The following CD200R1L variants were observed in gnomAD, a reference collection of about 807,000 sequenced individuals.
CD200R1L encodes the protein cell surface glycoprotein CD200 receptor 2.
In CD200R1L, 14 loss-of-function variants were observed where a neutral mutation model predicts 24.8. The observed-to-expected ratio is 0.56, with a 90% CI of 0.37 to 0.88. The LOEUF (loss-of-function observed/expected upper bound fraction) is 0.88, where lower values mean the gene tolerates loss of function less well. CD200R1L is among the 40% of genes least tolerant of loss of function. The pLI is 0.00. For synonymous variants in CD200R1L, 111 were observed against 109.2 expected (o/e 1.02, Z -0.11); for missense variants, 299 against 297.8 (o/e 1.00, Z -0.03).
At chr3:112,826,927 C>T (rs1938668259) in intron 6 of CD200R1L, 66 bp downstream of exon 6, 7 of 1,497,026 alleles carry the variant, frequency 4.7e-6, no homozygotes, top group Admixed American at 2.3e-5. Context: ...TTTGGTTATT[C>T]GTTATTTTCT....
chr3:112,834,077 G>T (rs1349455525), intron 3 of CD200R1L, among the ~76,000 whole-genome samples: 1 of 152,188 alleles, frequency 6.6e-6, no homozygotes, highest in South Asian at 2.1e-4. Context: ...CACTGGCACA[G>T]CCTCTGGAAG....
chr3:112,827,054 A>C lies in CD200R1L; in HGVS notation c.555T>G (p.Thr185=). The part of the protein sequence containing the change: ...STCPWEGHKS[T]VTCHVSHLTG... ...TCAAATGGGAGACATGGCAGGTCACAGTAGACTTGTGGCCCTCCCAGGGGC... is the reference window on the plus strand; with the variant it reads ...TCAAATGGGAGACATGGCAGGTCACCGTAGACTTGTGGCCCTCCCAGGGGC... Residue 185 remains threonine, a synonymous_variant, in exon 6 of 8, where the codon ACT becomes ACG. Coordinates refer to ENST00000488794, the MANE Select transcript of CD200R1L (RefSeq NM_001199215.3). The C allele has an allele frequency of 6.2e-7, 1 of 1,603,376 alleles. No individual in the cohort carries two copies. The highest frequency in any genetic ancestry group is 8.5e-7 in the Non-Finnish European group (1 of 1,173,886).
intron 7 of CD200R1L, among the ~76,000 whole-genome samples, chr3:112,816,859 G>A (rs1303082057): frequency 6.6e-6 from 1 of 152,144 alleles, no homozygotes; most frequent in Non-Finnish European, 1.5e-5. Context: ...CATGAGTTCT[G>A]ATGGTTTTAT....
chr3:112,820,014 A>G, intron 6 of CD200R1L, 119 bp from the exon 7 acceptor site: 1 of 872,082 alleles, frequency 1.1e-6, no homozygotes, highest in African/African-American at 1.8e-5. Flanking sequence ...TGTCATAATC[A>G]TAAAACCTTC....
chr3:112,836,691 T>C (rs1012561499), intron 3 of CD200R1L, among the ~76,000 whole-genome samples: 1 of 152,260 alleles, frequency 6.6e-6, no homozygotes, highest in Non-Finnish European at 1.5e-5. Flanking sequence ...AATCTAAAAT[T>C]AGGTAAAGTA....
intron 2 of CD200R1L, among the ~76,000 whole-genome samples, chr3:112,838,484 AC>A (rs1272862842): frequency 6.9e-5 from 7 of 100,846 alleles, no homozygotes; most frequent in African/African-American, 1.7e-4. Flanking sequence ...AAACAAACAA[AC>A]AAACAAAAAA....
At position 112,827,472 on chromosome 3, in the gene CD200R1L, C is replaced by G. The variant is rs766740019; in HGVS notation, c.262G>C (p.Asp88His). Residue 88 changes from aspartate (D) to histidine (H), a missense_variant, in exon 5 of 8, where the codon GAC becomes CAC. Transcript: ENST00000488794. The stretch of plus-strand genomic sequence containing the variant: ...GTGTCCACCGGACGAATCTGAAGGT[C>G]CGAATTCTGATCAGGTCTAGAGACC... ...TWVSRPDQNS[D>H]LQIRPVDTTH... 11 of 1,614,176 alleles carry G rather than the reference C, an allele frequency of 6.8e-6. No individual in the cohort carries two copies. In the South Asian group the frequency reaches 1.1e-4, roughly 16 times the overall value.
intron 2 of CD200R1L, among the ~76,000 whole-genome samples, chr3:112,838,786 A>G (rs1939018016): frequency 6.6e-6 from 1 of 152,314 alleles, no homozygotes; most frequent in Non-Finnish European, 1.5e-5. Context: ...CTGTGAAGGT[A>G]TTTTGTATGT....
chr3:112,817,800 C>A (rs1938433681), intron 7 of CD200R1L, among the ~76,000 whole-genome samples: 1 of 152,156 alleles, frequency 6.6e-6, no homozygotes, highest in Non-Finnish European at 1.5e-5. Flanking sequence ...TAGGCCAAAT[C>A]ACCAGTTTGT....
intron 6 of CD200R1L, 100 bp from the exon 7 acceptor site, chr3:112,819,995 T>G: frequency 9.2e-7 from 1 of 1,092,614 alleles, no homozygotes; most frequent in Non-Finnish European, 1.3e-6. Flanking sequence ...TTCTTAAGAG[T>G]TCATGGACTG....
Position 112,815,817 on chromosome 3 carries a change from C to T in CD200R1L, c.*146G>A. 1.6e-6 allele frequency: 1 copy of T among 626,042 alleles called. No homozygotes were observed. The highest frequency in any genetic ancestry group is 2.9e-5 in the Admixed American group (1 of 34,042). The allele number at this position is 626,042 out of a possible 1,614,324, so 38.8% of individuals were successfully genotyped here. On this transcript the variant is annotated 3_prime_UTR_variant, in exon 8 of 8. Transcript: ENST00000488794. ...GTCATCAAGCCCAGGATCCTTCTTC[C>T]ATCTTTCTTTTCTTCTATCCTACTG...
chr3:112,822,855 T>G (rs893727980), intron 6 of CD200R1L, among the ~76,000 whole-genome samples: 1 of 152,210 alleles, frequency 6.6e-6, no homozygotes, highest in Non-Finnish European at 1.5e-5. Context: ...CCTTTTTCCT[T>G]GCCTACATTG....
chr3:112,825,957 A>G (rs1342380231), intron 6 of CD200R1L, among the ~76,000 whole-genome samples: 1 of 152,198 alleles, frequency 6.6e-6, no homozygotes, highest in Non-Finnish European at 1.5e-5. Flanking sequence ...AAACACAGCT[A>G]ACGAATACAT....
chr3:112,827,419 T>A lies in CD200R1L; in HGVS notation c.315A>T (p.Ile105=). ...DTTHDGYYRG[I]VVTPDGNFHR... ...GGAAATTCCCATCAGGTGTTACCAC[T>A]ATGCCTCTGTAATACCCGTCATGAG... Residue 105 remains isoleucine (I), a synonymous_variant, in exon 5 of 8, where the codon ATA becomes ATT. Coordinates refer to ENST00000488794, the MANE Select transcript of CD200R1L (RefSeq NM_001199215.3). 6.2e-7 allele frequency: 1 copy of A among 1,614,228 alleles called. No homozygotes were observed. The highest frequency in any genetic ancestry group is 8.5e-7 in the Non-Finnish European group (1 of 1,180,038).
intron 3 of CD200R1L, among the ~76,000 whole-genome samples, chr3:112,837,005 A>T (rs367902771): frequency 5.1e-4 from 78 of 152,230 alleles, no homozygotes; most frequent in African/African-American, 1.8e-3. Flanking sequence ...TTTCTCTTAC[A>T]TAGCAATCTA....
rs147639801 is a variant in CD200R1L at position 112,824,966 on chromosome 3, G to A, written c.616+2027C>T. Among the ~76,000 whole-genome samples the A allele has an allele frequency of 6.8e-3, 1,042 of 152,266 alleles. 18 individuals are homozygous for A. Among genetic ancestry groups the A allele is most frequent in the African/African-American group, 0.024 (1,002 of 41,554 alleles). Reference sequence around the variant, plus strand: ...GGAAATTGCATGTAAGGCCGGGCACGGTGGCTCACGCCTGGAATTCCAGCA... The same window carrying A: ...GGAAATTGCATGTAAGGCCGGGCACAGTGGCTCACGCCTGGAATTCCAGCA... On this transcript the variant is annotated intron_variant, in intron 6 of 7. Transcript: ENST00000488794.
Position 112,842,758 on chromosome 3 carries a change from C to T in CD200R1L, c.-87+2921G>A, listed in dbSNP as rs867766409. 6.6e-5 allele frequency among the ~76,000 whole-genome samples: 10 copies of T among 152,256 alleles called. No homozygotes were observed. In the Middle Eastern group the frequency reaches 0.01, roughly 155 times the overall value. On this transcript the variant is annotated intron_variant, in intron 2 of 7. Coordinates refer to ENST00000488794, the MANE Select transcript of CD200R1L (RefSeq NM_001199215.3). ...GAATGTCTGTCTTATGCGGGAGATGCGCCTGGTCTTCTGCAGTACCCTCAG... is the reference window on the plus strand; with the variant it reads ...GAATGTCTGTCTTATGCGGGAGATGTGCCTGGTCTTCTGCAGTACCCTCAG...
intron 3 of CD200R1L, among the ~76,000 whole-genome samples, chr3:112,831,800 A>T (rs926301496): frequency 2.6e-5 from 4 of 152,192 alleles, no homozygotes; most frequent in Admixed American, 2.6e-4. Flanking sequence ...TTTAGTTTCT[A>T]GAACTGTAAC....
chr3:112,836,585 A>T (rs1030955784), intron 3 of CD200R1L, among the ~76,000 whole-genome samples: 1 of 152,202 alleles, frequency 6.6e-6, no homozygotes, highest in Non-Finnish European at 1.5e-5. Flanking sequence ...CCTTGATCCT[A>T]ATTTCACTAG....
Sources: gnomAD v4.1 joint callset for allele counts (sites outside exome capture counted in the v4.1 genomes callset) on GRCh38, gnomAD v4.1.1 for gene constraint, MANE v1.5 for transcripts, NCBI Gene and HGNC (gene_info 2026-07-23, HGNC 2026-07-21) for gene names.